Variants in UGT1A4 observed in about 807,000 individuals in gnomAD.
The protein encoded by UGT1A4 is UDP-glucuronosyltransferase 1A4.
Under a neutral mutation model 41.1 loss-of-function variants are expected in UGT1A4, and 32 were observed. The observed-to-expected ratio is 0.78, with a 90% CI of 0.59 to 1.05. The LOEUF is 1.05. Ranked by LOEUF, UGT1A4 falls within the 50% of genes least tolerant of loss-of-function variation. The pLI is 0.00. For synonymous variants in UGT1A4, 283 were observed against 265.1 expected, an observed-to-expected ratio of 1.07 and a Z score of -0.66; for missense variants, 748 against 677.4, an observed-to-expected ratio of 1.10 and a Z score of -1.16.
intron 1 of UGT1A4, chr2:233,722,122 T>A (rs1395891774): frequency 5.5e-6 from 1 of 183,338 alleles, no homozygotes; most frequent in African/African-American, 2.3e-5. Context: ...ATCATCATCA[T>A]TAGTAGAGTT....
intron 1 of UGT1A4, chr2:233,722,130 G>A (rs1389703029): frequency 1.7e-5 from 3 of 173,394 alleles, no homozygotes; most frequent in African/African-American, 7.1e-5. Context: ...CATTAGTAGA[G>A]TTTAAGACTC....
rs192599700 is a variant in UGT1A4, at chr2:233,747,215, T to C, written c.868-19819T>C. 3.6e-4 allele frequency: 574 copies of C among 1,605,522 alleles called. 5 individuals are homozygous for C. In the East Asian group the frequency reaches 0.012, roughly 33 times the overall value. On this transcript the variant is annotated intron_variant, in intron 1 of 4. Coordinates refer to ENST00000373409, the MANE Select transcript of UGT1A4 (RefSeq NM_007120.3). ...CAGCTGTCCGTGTCTTCTGCTGAGA[T>C]GGCCACAGGACCCCAGGTTCCCCTG...
rs1559370464 is a variant in UGT1A4 at position 233,725,249 on chromosome 2, GGAGGCAGAGGCAGAGGAGGCAGAGGCA to G, written c.867+5579_867+5605del. Among the ~76,000 whole-genome samples, 7 of 48,520 alleles carry G rather than the reference GGAGGCAGAGGCAGAGGAGGCAGAGGCA, an allele frequency of 1.4e-4. 2 individuals carry two copies. The highest frequency in any genetic ancestry group is 4.8e-4 in the East Asian group (1 of 2,098). The allele number at this position is 48,520 out of a possible 152,430, so 31.8% of individuals were successfully genotyped here. On this transcript the variant is annotated intron_variant, in intron 1 of 4. Coordinates refer to ENST00000373409, the MANE Select transcript of UGT1A4 (RefSeq NM_007120.3). ...CAGAGGCAGAGGAGGCAGAGGCAGA[GGAGGCAGAGGCAGAGGAGGCAGAGGCA>G]GAGGCAGAGGCAGAGGCAGAGGCAG...
At chr2:233,747,144 A>C in intron 1 of UGT1A4, 1 of 1,563,462 alleles carries the variant, frequency 6.4e-7, no homozygotes, top group Non-Finnish European at 8.7e-7. Context: ...CAAGGTAATT[A>C]AGATGAAGAA....
Position 233,719,486 on chromosome 2 carries a change from C to T in UGT1A4, c.666C>T (p.Tyr222=), listed in dbSNP as rs781372953. The change falls in exon 1 of 5, where the codon TAC becomes TAT. Residue 222 remains tyrosine (Y), a synonymous_variant. Transcript: ENST00000373409. ...TGCTCTACCCTCTGGCCCTGTCCTA[C>T]ATTTGCCATACTTTTTCTGCCCCTT... ...KNMLYPLALS[Y]ICHTFSAPYA... 4 of 1,614,016 alleles carry T rather than the reference C, an allele frequency of 2.5e-6. No homozygotes were observed. Among genetic ancestry groups the T allele is most frequent in the East Asian group, 2.2e-5 (1 of 44,886 alleles).
At position 233,768,333 on chromosome 2, in the gene UGT1A4, A is replaced by C. The variant is rs28934877; in HGVS notation, c.1201A>C (p.Asn401His). The change falls in exon 4 of 5, where the codon AAT becomes CAT. Residue 401 changes from asparagine (N) to histidine (H), a missense_variant. By Grantham distance (68) the Asn-to-His change is moderately conservative. Transcript: ENST00000373409. ...GCCCTTGTTTGGTGATCAGATGGAC[A>C]ATGCAAAGCGCATGGAGACTAAGGG... Reference protein sequence around the residue: ...MMPLFGDQMDNAKRMETKGAG... With the variant: ...MMPLFGDQMDHAKRMETKGAG... The C allele has an allele frequency of 3.7e-6, 6 of 1,614,220 alleles. 1 individual carries two copies. In the East Asian group the frequency reaches 1.1e-4, roughly 30 times the overall value.
chr2:233,770,961 C>T (rs898469927), intron 4 of UGT1A4: 13 of 152,156 alleles, frequency 8.5e-5, no homozygotes, highest in African/African-American at 3.1e-4. Flanking sequence ...GGAGCTTTTA[C>T]TCATGGCAGA....
chr2:233,764,219 C>T (rs759767670), intron 1 of UGT1A4, among the ~76,000 whole-genome samples: 2 of 152,130 alleles, frequency 1.3e-5, no homozygotes, highest in Non-Finnish European at 2.9e-5. Context: ...TGAAGGGAAT[C>T]AATGGTGGGG....
intron 1 of UGT1A4, chr2:233,743,878 C>G (rs1692563278): frequency 7.3e-7 from 1 of 1,367,158 alleles, no homozygotes; most frequent in Non-Finnish European, 9.8e-7. Context: ...CGGATGAGGC[C>G]TGCCGGGGCA....
Position 233,772,251 on chromosome 2 carries a change from T to C in UGT1A4, c.1308-11T>C, listed in dbSNP as rs1700493926. On this transcript the variant is annotated splice_polypyrimidine_tract_variant and intron_variant, in intron 4 of 4. Coordinates refer to ENST00000373409, the MANE Select transcript of UGT1A4 (RefSeq NM_007120.3). ...GTGTTCCAGGCATAACGAAACTGTCTTTGTGTTTAGTTACAAGGAGAACAT... is the reference window on the plus strand; with the variant it reads ...GTGTTCCAGGCATAACGAAACTGTCCTTGTGTTTAGTTACAAGGAGAACAT... The C allele has an allele frequency of 2.5e-6, 4 of 1,614,250 alleles. No homozygotes were observed. The East Asian group carries it at 8.9e-5, about 36-fold the overall frequency.
rs191739325 is a variant in UGT1A4 at position 233,719,507 on chromosome 2, C to T, written c.687C>T (p.Ala229=). Residue 229 remains alanine (A), a synonymous_variant, in exon 1 of 5, where the codon GCC becomes GCT. Coordinates refer to ENST00000373409, the MANE Select transcript of UGT1A4 (RefSeq NM_007120.3). ...CCTACATTTGCCATACTTTTTCTGC[C>T]CCTTATGCAAGTCTTGCCTCTGAGC... ...ALSYICHTFS[A]PYASLASELF... 1.6e-4 allele frequency: 265 copies of T among 1,613,148 alleles called. 1 individual carries two copies. Among genetic ancestry groups the T allele is most frequent in the Middle Eastern group, 1.7e-4 (1 of 6,052 alleles).
chr2:233,743,660 G>A (rs1409299533), intron 1 of UGT1A4: 4 of 1,367,142 alleles, frequency 2.9e-6, no homozygotes, highest in East Asian at 4.5e-5. Context: ...GTACTCGAAG[G>A]GGTCCTCGAA....
intron 1 of UGT1A4, chr2:233,760,452 T>A (rs1697451536): frequency 6.2e-7 from 1 of 1,614,194 alleles, no homozygotes; most frequent in Non-Finnish European, 8.5e-7. Flanking sequence ...AGAGGGGACA[T>A]GAAATAGTTG....
intron 1 of UGT1A4, among the ~76,000 whole-genome samples, chr2:233,732,578 C>T (rs902333577): frequency 6.6e-6 from 1 of 152,146 alleles, no homozygotes; most frequent in Non-Finnish European, 1.5e-5. Context: ...TTCCCCATTG[C>T]TTGTTTTTGT....
At chr2:233,747,712 T>C (rs566811001) in intron 1 of UGT1A4, 704 of 1,613,102 alleles carry the variant, frequency 4.4e-4, no homozygotes, top group Non-Finnish European at 5.2e-4. Flanking sequence ...TACCTATCAA[T>C]TCCTGCTGTG....
At chr2:233,749,493 CT>C (rs951030576) in intron 1 of UGT1A4, among the ~76,000 whole-genome samples, 1 of 151,760 alleles carries the variant, frequency 6.6e-6, no homozygotes, top group Non-Finnish European at 1.5e-5. Context: ...TGCTATGCCC[CT>C]TAGAGAATTA....
At chr2:233,757,176 AG>A (rs1350201754) in intron 1 of UGT1A4, among the ~76,000 whole-genome samples, 4 of 151,300 alleles carry the variant, frequency 2.6e-5, no homozygotes, top group Non-Finnish European at 5.9e-5. Flanking sequence ...TTTGAGAGCA[AG>A]GCAGAGGACT....
At chr2:233,746,034 G>A (rs1246019624) in intron 1 of UGT1A4, among the ~76,000 whole-genome samples, 1 of 151,740 alleles carries the variant, frequency 6.6e-6, no homozygotes, top group East Asian at 1.9e-4. Flanking sequence ...GCACTTACTT[G>A]CTGGCTTGGA....
chr2:233,768,302 G>A lies in UGT1A4; in HGVS notation c.1170G>A (p.Val390=). The change falls in exon 4 of 5, where the codon GTG becomes GTA. Residue 390 remains valine, a synonymous_variant. Coordinates refer to ENST00000373409, the MANE Select transcript of UGT1A4 (RefSeq NM_007120.3). Reference sequence around the variant, plus strand: ...GCATATGCAATGGCGTTCCCATGGTGATGATGCCCTTGTTTGGTGATCAGA... The same window carrying A: ...GCATATGCAATGGCGTTCCCATGGTAATGATGCCCTTGTTTGGTGATCAGA... ...YESICNGVPM[V]MMPLFGDQMD... is the part of the protein sequence containing the mutation. 1 of 1,614,228 alleles carries A rather than the reference G, an allele frequency of 6.2e-7. No homozygotes were observed. Among genetic ancestry groups the A allele is most frequent in the Non-Finnish European group, 8.5e-7 (1 of 1,180,048 alleles).
Sources: allele counts gnomAD v4.1 joint callset (sites outside exome capture counted in the v4.1 genomes callset), GRCh38; gene constraint gnomAD v4.1.1; transcripts MANE v1.5; gene names NCBI Gene and HGNC (gene_info 2026-07-23, HGNC 2026-07-21).